Variants in ESR1 observed in about 807,000 individuals in gnomAD.
ESR1 encodes the protein estrogen receptor 1, also known as estrogen receptor.
In ESR1, 12 loss-of-function variants were observed where a neutral mutation model predicts 52.7. That is an observed-to-expected ratio of 0.23 (90% CI 0.15 to 0.37). The LOEUF (loss-of-function observed/expected upper bound fraction) is 0.37, where lower values mean the gene tolerates loss of function less well. ESR1 is among the 10% of genes least tolerant of loss of function. ESR1 has a pLI of 1.00. For missense variants in ESR1, 584 were observed against 779.7 expected (o/e 0.75, Z 2.99); for synonymous variants, 305 against 316.8 (o/e 0.96, Z 0.39).
At chr6:152,025,882 G>A (rs777151141) in intron 5 of ESR1, among the ~76,000 whole-genome samples, 7 of 151,570 alleles carry the variant, frequency 4.6e-5, no homozygotes, top group Non-Finnish European at 8.8e-5. Flanking sequence ...ATCAGTTTTC[G>A]CTGGGCCCCA....
Position 152,112,485 on chromosome 6 carries a change from C to T in ESR1, c.851-12781C>T, listed in dbSNP as rs1427692622. ...TTTAGGCCTCTGGAGTACACAAAGGCCACCAAAGGAAGAAAGGGCTTAACA... is the reference window on the plus strand; with the variant it reads ...TTTAGGCCTCTGGAGTACACAAAGGTCACCAAAGGAAGAAAGGGCTTAACA... On this transcript the variant is annotated intron_variant, in intron 6 of 6. Transcript: ENST00000427531. Among the ~76,000 whole-genome samples, 5 of 152,256 alleles carry T rather than the reference C, an allele frequency of 3.3e-5. No homozygotes were observed. In the South Asian group the frequency reaches 8.3e-4, roughly 25 times the overall value.
At chr6:152,022,139 A>C (rs897210451) in intron 5 of ESR1, among the ~76,000 whole-genome samples, 10 of 152,162 alleles carry the variant, frequency 6.6e-5, no homozygotes, top group African/African-American at 2.4e-4. Flanking sequence ...GGTCATGACA[A>C]GCATCACTAC....
chr6:152,061,104 C>T lies in ESR1; in HGVS notation c.1349C>T (p.Ser450Phe), dbSNP rs914616093. 6.2e-7 allele frequency: 1 copy of T among 1,613,830 alleles called. No individual in the cohort carries two copies. Among genetic ancestry groups the T allele is most frequent in the East Asian group, 2.2e-5 (1 of 44,852 alleles). The change falls in exon 6 of 8, where the codon TCT becomes TTT. Residue 450 changes from serine (S) to phenylalanine (F), a missense_variant. Transcript: ENST00000206249. The surrounding 1 kb of genome is among the most constrained non-coding windows in gnomAD (Gnocchi z 4.3). ...GGAGAGGAGTTTGTGTGCCTCAAAT[C>T]TATTATTTTGCTTAATTCTGGTGAG... is the stretch of plus-strand genomic sequence containing the variant. ...LQGEEFVCLK[S>F]IILLNSGVYT...
At chr6:151,959,539 T>C (rs2037410002) in intron 4 of ESR1, among the ~76,000 whole-genome samples, 1 of 152,180 alleles carries the variant, frequency 6.6e-6, no homozygotes, top group Non-Finnish European at 1.5e-5. Context: ...CGCTGTGCAG[T>C]GGGAGGCTCC....
intron 1 of ESR1, among the ~76,000 whole-genome samples, chr6:151,699,014 G>T (rs781362966): frequency 1.1e-4 from 16 of 152,210 alleles, no homozygotes; most frequent in Admixed American, 2.0e-4. Context: ...GAAAGCAAAG[G>T]TCTCCTGCTT....
chr6:151,730,533 C>G (rs1017230877), intron 2 of ESR1, among the ~76,000 whole-genome samples: 2 of 152,184 alleles, frequency 1.3e-5, no homozygotes, highest in Non-Finnish European at 2.9e-5. Context: ...CTCTCCCATT[C>G]GAGTTCCTCA....
At chr6:152,040,346 C>T (rs115054834) in intron 5 of ESR1, among the ~76,000 whole-genome samples, 425 of 152,212 alleles carry the variant, frequency 2.8e-3, no homozygotes, top group African/African-American at 9.6e-3. Flanking sequence ...ATCCACAGAA[C>T]GAGTCATCCA....
chr6:151,807,769 CCGGGGCCAGAGCT>C lies in ESR1; in HGVS notation c.-141_-129del. On this transcript the variant is annotated 5_prime_UTR_variant, in exon 1 of 8. Coordinates refer to ENST00000206249, the MANE Select transcript of ESR1 (RefSeq NM_000125.4). ...GGACCCGCAGGCTCCCGGGGCAGGG[CCGGGGCCAGAGCT>C]CGCGTGTCGGCGGGACATGCGCTGC... 1 of 826,216 alleles carries C rather than the reference CCGGGGCCAGAGCT, an allele frequency of 1.2e-6. No individual in the cohort carries two copies. The highest frequency in any genetic ancestry group is 2.0e-6 in the Non-Finnish European group (1 of 504,052). 51.2% of individuals were successfully genotyped at this position (826,216 alleles called of 1,614,324 possible).
intron 1 of ESR1, among the ~76,000 whole-genome samples, chr6:151,658,633 A>G (rs1777535986): frequency 6.6e-6 from 1 of 152,184 alleles, no homozygotes; most frequent in Non-Finnish European, 1.5e-5. Context: ...TTTTTATTTT[A>G]CTTTAAGTTC....
At chr6:151,730,533 C>T (rs1017230877) in intron 2 of ESR1, among the ~76,000 whole-genome samples, 3 of 152,184 alleles carry the variant, frequency 2.0e-5, no homozygotes, top group African/African-American at 2.4e-5. Context: ...CTCTCCCATT[C>T]GAGTTCCTCA....
chr6:151,675,875 C>A (rs1314258846), intron 1 of ESR1, among the ~76,000 whole-genome samples: 2 of 152,170 alleles, frequency 1.3e-5, no homozygotes, highest in African/African-American at 2.4e-5. Flanking sequence ...ACCAATTTGC[C>A]AGGTTACCGT....
At chr6:151,912,650 G>A (rs753262672) in intron 3 of ESR1, among the ~76,000 whole-genome samples, 2 of 152,122 alleles carry the variant, frequency 1.3e-5, no homozygotes, top group Non-Finnish European at 2.9e-5. Flanking sequence ...AGGGCACCAC[G>A]GAAGAGTCTT....
chr6:152,002,185 A>AGTGTGT (rs10578838), intron 4 of ESR1, among the ~76,000 whole-genome samples: 7,031 of 141,436 alleles, frequency 0.05, 217 homozygotes, highest in East Asian at 0.1. Context: ...TTTTAAATCA[A>AGTGTGT]GTGTGTGTGT....
chr6:152,099,740 A>G lies in ESR1; in HGVS notation c.*774A>G, dbSNP rs886726931. The G allele has an allele frequency of 1.5e-5, 5 of 327,026 alleles. No individual in the cohort carries two copies. The highest frequency in any genetic ancestry group is 4.2e-5 in the African/African-American group (2 of 47,498). The allele number at this position is 327,026 out of a possible 1,614,324, so 20.3% of individuals were successfully genotyped here. A position where few individuals can be genotyped will look rare whatever the true frequency, so the allele number is the denominator to read the frequency against. ...AAGTTGATCTTAGTTAAGTCTCCCT[A>G]TATGAGGGATAAGTTCCTGATTTTT... On this transcript the variant is annotated 3_prime_UTR_variant, in exon 8 of 8. Coordinates refer to ENST00000206249, the MANE Select transcript of ESR1 (RefSeq NM_000125.4).
chr6:151,695,540 C>T lies in ESR1; in HGVS notation c.-202+4876C>T, dbSNP rs978849959. 3.3e-5 allele frequency among the ~76,000 whole-genome samples: 5 copies of T among 152,100 alleles called. No homozygotes were observed. The East Asian group carries it at 9.6e-4, about 29-fold the overall frequency. On this transcript the variant is annotated intron_variant, in intron 1 of 2. Coordinates refer to the ESR1 transcript ENST00000404742. ...AGCAGCTCAGCTCCCCTAAACATACCTCCTCCCCTAGATTGGTTCAGAGGA... is the reference window on the plus strand; with the variant it reads ...AGCAGCTCAGCTCCCCTAAACATACTTCCTCCCCTAGATTGGTTCAGAGGA...
chr6:151,764,794 T>A (rs1784921760), intron 2 of ESR1, among the ~76,000 whole-genome samples: 1 of 152,252 alleles, frequency 6.6e-6, no homozygotes, highest in South Asian at 2.1e-4. Flanking sequence ...CATCAGTGTC[T>A]GTTACACGTT....
At chr6:151,928,638 G>A (rs1026498837) in intron 3 of ESR1, among the ~76,000 whole-genome samples, 1 of 151,344 alleles carries the variant, frequency 6.6e-6, no homozygotes, top group African/African-American at 2.4e-5. Flanking sequence ...GTTTCCTTAG[G>A]TGGTGGCTTA....
At chr6:151,722,833 G>T (rs1380184446) in intron 2 of ESR1, among the ~76,000 whole-genome samples, 6 of 152,218 alleles carry the variant, frequency 3.9e-5, no homozygotes, top group Admixed American at 3.3e-4. Flanking sequence ...CACTGAAGTA[G>T]AAGCAATGTA....
intron 4 of ESR1, chr6:151,983,418 T>C (rs1204580421): frequency 6.6e-6 from 1 of 152,134 alleles, no homozygotes; most frequent in Non-Finnish European, 1.5e-5. Context: ...AGTAGCTTGG[T>C]GTCTAAATAT....
Sources: gnomAD v4.1 joint callset for allele counts (sites outside exome capture counted in the v4.1 genomes callset) on GRCh38, gnomAD v4.1.1 for gene constraint, Gnocchi (gnomAD v3.1) non-coding constraint, MANE v1.5 for transcripts, NCBI Gene and HGNC (gene_info 2026-07-23, HGNC 2026-07-21) for gene names.